The following ZZZ3 variants were observed in gnomAD, a reference collection of about 807,000 sequenced individuals.
The protein encoded by ZZZ3 is zinc finger ZZ-type containing 3.
ZZZ3 carries 22 observed loss-of-function variants against 95.2 expected under a neutral mutation model. That is an observed-to-expected ratio of 0.23 (90% CI 0.17 to 0.33). ZZZ3 has a LOEUF of 0.33. ZZZ3 is among the 10% of genes least tolerant of loss of function. The probability of loss-of-function intolerance (pLI) is 1.00; values close to 1 mark genes in which losing one functional copy is unlikely to be tolerated. For missense variants in ZZZ3, 885 were observed against 1,066.5 expected (o/e 0.83, Z 2.37); for synonymous variants, 335 against 358.9 (o/e 0.93, Z 0.75).
At chr1:77,587,260 T>C (rs1250484894) in intron 5 of ZZZ3, among the ~76,000 whole-genome samples, 3 of 22,344 alleles carry the variant, frequency 1.3e-4, no homozygotes, top group East Asian at 2.0e-3. Context: ...CTTTGACCCT[T>C]TTTTTTTTTT....
chr1:77,567,722 G>A (rs192529872), intron 13 of ZZZ3, among the ~76,000 whole-genome samples: 270 of 152,256 alleles, frequency 1.8e-3, no homozygotes, highest in Non-Finnish European at 2.7e-3. Context: ...ACTTAGCAAA[G>A]TGACTGGAAC....
At chr1:77,617,886 A>G (rs1169653151) in intron 5 of ZZZ3, among the ~76,000 whole-genome samples, 1 of 152,166 alleles carries the variant, frequency 6.6e-6, no homozygotes, top group Non-Finnish European at 1.5e-5. Context: ...CGGAGGTTGC[A>G]GTGAAACAAG....
At chr1:77,589,591 A>C (rs1663465256) in intron 5 of ZZZ3, among the ~76,000 whole-genome samples, 2 of 151,736 alleles carry the variant, frequency 1.3e-5, no homozygotes, top group African/African-American at 4.8e-5. Flanking sequence ...GTATGCCACC[A>C]TTCCCAGCGA....
chr1:77,581,658 T>C, intron 8 of ZZZ3, 118 bp downstream of exon 8: 1 of 765,866 alleles, frequency 1.3e-6, no homozygotes, highest in Non-Finnish European at 2.0e-6. Flanking sequence ...TCAAAGTTCT[T>C]ATCTCCTTTA....
At chr1:77,593,492 C>T (rs1418359034) in intron 5 of ZZZ3, among the ~76,000 whole-genome samples, 1 of 152,114 alleles carries the variant, frequency 6.6e-6, no homozygotes, top group Non-Finnish European at 1.5e-5. Flanking sequence ...AAAGGATACA[C>T]ATATAGGTGG....
At chr1:77,578,738 T>G (rs1185078457) in intron 11 of ZZZ3, 36 bp downstream of exon 11, 1 of 1,220,552 alleles carries the variant, frequency 8.2e-7, no homozygotes, top group African/African-American at 1.6e-5. Flanking sequence ...TTTAATAAAT[T>G]TAATCTACAG....
intron 6 of ZZZ3, 124 bp from the exon 7 acceptor site, chr1:77,582,250 T>C (rs1662599427): frequency 2.6e-6 from 2 of 754,930 alleles, no homozygotes; most frequent in South Asian, 2.6e-5. Context: ...TTTCTATTCA[T>C]GTTTAAATCC....
intron 5 of ZZZ3, among the ~76,000 whole-genome samples, chr1:77,608,672 CA>C (rs1309992169): frequency 6.6e-6 from 1 of 151,934 alleles, no homozygotes; most frequent in Non-Finnish European, 1.5e-5. Context: ...ATGAACCAGT[CA>C]AAAATGACTA....
Position 77,601,344 on chromosome 1 carries a change from G to A in ZZZ3, c.1506-16689C>T, listed in dbSNP as rs150204711. Among the ~76,000 whole-genome samples, 196 of 151,978 alleles carry A rather than the reference G, an allele frequency of 1.3e-3. 1 individual carries two copies. Among genetic ancestry groups the A allele is most frequent in the African/African-American group, 4.3e-3 (180 of 41,420 alleles). On this transcript the variant is annotated intron_variant, in intron 5 of 14. Transcript: ENST00000370801. ...TAAGTCATTTCAGTGGAGTGATGAG[G>A]GTCAAACCTAGATTTCAATGGTAAG...
At chr1:77,605,883 G>A (rs1421715002) in intron 5 of ZZZ3, among the ~76,000 whole-genome samples, 1 of 152,120 alleles carries the variant, frequency 6.6e-6, no homozygotes, top group Non-Finnish European at 1.5e-5. Context: ...GAAATGTGCT[G>A]GCTTCAGGTG....
At chr1:77,598,370 G>C (rs916553282) in intron 5 of ZZZ3, among the ~76,000 whole-genome samples, 2 of 152,068 alleles carry the variant, frequency 1.3e-5, no homozygotes, top group Non-Finnish European at 2.9e-5. Context: ...CATTGAATAG[G>C]CTGAGGAGAA....
At chr1:77,630,483 G>A (rs935665973) in intron 5 of ZZZ3, among the ~76,000 whole-genome samples, 1 of 151,662 alleles carries the variant, frequency 6.6e-6, no homozygotes, top group Non-Finnish European at 1.5e-5. Flanking sequence ...CTCAAAAAAC[G>A]AAAAACAAAA....
chr1:77,609,468 T>C (rs541471227), intron 5 of ZZZ3, among the ~76,000 whole-genome samples: 6 of 152,200 alleles, frequency 3.9e-5, no homozygotes, highest in South Asian at 4.1e-4. Flanking sequence ...ACTTTCAGCA[T>C]TGGACTGATC....
intron 5 of ZZZ3, among the ~76,000 whole-genome samples, chr1:77,609,725 TA>T (rs1665593321): frequency 6.6e-6 from 1 of 152,058 alleles, no homozygotes; most frequent in Admixed American, 6.5e-5. Flanking sequence ...TAGAAATCAG[TA>T]AAAAGAGGAT....
chr1:77,669,112 A>G (rs868218475), intron 1 of ZZZ3, among the ~76,000 whole-genome samples: 19 of 152,198 alleles, frequency 1.2e-4, no homozygotes, highest in Middle Eastern at 3.2e-3. Context: ...GTAGAGATAA[A>G]GCTCTTAAAA....
At chr1:77,618,377 T>C (rs1666533372) in intron 5 of ZZZ3, among the ~76,000 whole-genome samples, 1 of 150,990 alleles carries the variant, frequency 6.6e-6, no homozygotes, top group Non-Finnish European at 1.5e-5. Flanking sequence ...GACGAGGCTC[T>C]GGGAATAAAA....
intron 5 of ZZZ3, among the ~76,000 whole-genome samples, chr1:77,612,177 G>T (rs781501386): frequency 6.6e-6 from 1 of 151,994 alleles, no homozygotes. Flanking sequence ...TGGTCAATGG[G>T]TATATGAAAA....
intron 1 of ZZZ3, among the ~76,000 whole-genome samples, chr1:77,644,977 C>T (rs1283806381): frequency 3.3e-5 from 5 of 152,122 alleles, no homozygotes; most frequent in African/African-American, 1.2e-4. Flanking sequence ...CATCTCAGCT[C>T]TTTAAGAGAC....
rs141187778 is a variant in ZZZ3 at position 77,672,131 on chromosome 1, G to A, written c.-403+10454C>T. ...TGTTCAGCCGAAGGAAAGCGAAACT[G>A]AAGAGTGCAGTAGAGACTACTGTAA... On this transcript the variant is annotated intron_variant, in intron 1 of 14. Transcript: ENST00000370801. 1.9e-4 allele frequency among the ~76,000 whole-genome samples: 29 copies of A among 152,324 alleles called. No homozygotes were observed. The East Asian group carries it at 5.4e-3, about 28-fold the overall frequency.
Sources: allele counts gnomAD v4.1 joint callset (sites outside exome capture counted in the v4.1 genomes callset), GRCh38; gene constraint gnomAD v4.1.1; transcripts MANE v1.5; gene names NCBI Gene and HGNC (gene_info 2026-07-23, HGNC 2026-07-21).